Variants in STON2 observed in about 807,000 individuals in gnomAD.
STON2 encodes stonin-2.
STON2 carries 29 observed loss-of-function variants against 65.7 expected under a neutral mutation model. The ratio of observed to expected loss-of-function variants is 0.44; its 90% CI spans 0.33 to 0.60. The LOEUF (loss-of-function observed/expected upper bound fraction) is 0.60, where lower values mean the gene tolerates loss of function less well. Among genes scored for constraint, STON2 ranks in the 20% least tolerant of loss-of-function variants. The pLI, the probability that STON2 is intolerant of heterozygous loss-of-function variation, is 0.03. For synonymous variants in STON2, 404 were observed against 414.2 expected (o/e 0.98, Z 0.30); for missense variants, 1,054 against 1,118.1 (o/e 0.94, Z 0.82).
chr14:81,295,496 T>A (rs1163851951), intron 5 of STON2, among the ~76,000 whole-genome samples: 1 of 152,206 alleles, frequency 6.6e-6, no homozygotes, highest in Non-Finnish European at 1.5e-5. Flanking sequence ...TTCAACGATC[T>A]CCTAAATACC....
intron 6 of STON2, among the ~76,000 whole-genome samples, chr14:81,273,319 TTC>T (rs1894671628): frequency 6.6e-6 from 1 of 152,210 alleles, no homozygotes; most frequent in Non-Finnish European, 1.5e-5. Flanking sequence ...AGTCCACACA[TTC>T]TGTCATTTCC....
Position 81,277,277 on chromosome 14 carries a change from C to T in STON2, c.2205G>A (p.Arg735=). The T allele has an allele frequency of 6.2e-7, 1 of 1,614,198 alleles. No homozygotes were observed. Among genetic ancestry groups the T allele is most frequent in the Non-Finnish European group, 8.5e-7 (1 of 1,180,028 alleles). Residue 735 remains arginine, a synonymous_variant, in exon 6 of 8, where the codon AGG becomes AGA. Transcript: ENST00000614646. ...DACRFELMRF[R]TVFAEKTLPF... ...GCAAGGTCTTCTCAGCAAACACTGTCCTGAACCGCATTAGCTCAAACCGGC... is the reference window on the plus strand; with the variant it reads ...GCAAGGTCTTCTCAGCAAACACTGTTCTGAACCGCATTAGCTCAAACCGGC...
rs1894233184 is a variant in STON2 at position 81,263,521 on chromosome 14, G to C, written c.*4893C>G. The stretch of plus-strand genomic sequence containing the variant: ...CCACTGCACTCTAGCCTGGGTGACA[G>C]ACTGAGACTCCGTCTCAAAAAAAAA... On this transcript the variant is annotated 3_prime_UTR_variant, in exon 8 of 8. Coordinates refer to ENST00000614646, the MANE Select transcript of STON2 (RefSeq NM_001394390.1). Among the ~76,000 whole-genome samples, 1 of 114,230 alleles carries C rather than the reference G, an allele frequency of 8.8e-6. No individual in the cohort carries two copies. The highest frequency in any genetic ancestry group is 3.1e-4 in the South Asian group (1 of 3,242). 74.9% of individuals were successfully genotyped at this position (114,230 alleles called of 152,430 possible). A position where few individuals can be genotyped will look rare whatever the true frequency, so the allele number is the denominator to read the frequency against.
intron 2 of STON2, among the ~76,000 whole-genome samples, chr14:81,396,637 G>C (rs1292904639): frequency 6.6e-6 from 1 of 152,222 alleles, no homozygotes; most frequent in Non-Finnish European, 1.5e-5. Flanking sequence ...CACAGCCACA[G>C]GACACCAGGT....
chr14:81,346,302 T>C (rs1897807216), intron 4 of STON2, among the ~76,000 whole-genome samples: 1 of 152,044 alleles, frequency 6.6e-6, no homozygotes, highest in Admixed American at 6.6e-5. Context: ...GGATCTGTAA[T>C]GTAAAGAAGA....
chr14:81,329,986 G>A (rs530235123), intron 4 of STON2, among the ~76,000 whole-genome samples: 30 of 152,318 alleles, frequency 2.0e-4, no homozygotes, highest in Admixed American at 2.0e-4. Context: ...GGCAGCTTCC[G>A]TCTTCCTCCA....
chr14:81,296,583 G>A (rs930688463), intron 5 of STON2, among the ~76,000 whole-genome samples: 24 of 152,150 alleles, frequency 1.6e-4, no homozygotes, highest in African/African-American at 5.8e-4. Context: ...TTTTCTCTTT[G>A]TCTCTTTTTC....
At chr14:81,365,308 C>G (rs985164074) in intron 4 of STON2, among the ~76,000 whole-genome samples, 2 of 152,136 alleles carry the variant, frequency 1.3e-5, no homozygotes, top group Admixed American at 6.5e-5. Flanking sequence ...AGGGGTTTGG[C>G]AGACCACCAC....
intron 4 of STON2, among the ~76,000 whole-genome samples, chr14:81,364,681 A>G (rs892910460): frequency 3.3e-5 from 5 of 152,196 alleles, no homozygotes; most frequent in Non-Finnish European, 7.3e-5. Flanking sequence ...GGGAATTTTC[A>G]AAGTCTTTAA....
At chr14:81,317,417 A>C (rs1896665312) in intron 5 of STON2, among the ~76,000 whole-genome samples, 1 of 152,256 alleles carries the variant, frequency 6.6e-6, no homozygotes, top group Admixed American at 6.5e-5. Flanking sequence ...CAGAATGATC[A>C]ATAGCAAAGC....
At chr14:81,291,864 C>CGT (rs1895570436) in intron 5 of STON2, among the ~76,000 whole-genome samples, 1 of 103,454 alleles carries the variant, frequency 9.7e-6, no homozygotes, top group African/African-American at 4.6e-5. Context: ...TGGGTACACA[C>CGT]ACACACACAC....
intron 3 of STON2, among the ~76,000 whole-genome samples, chr14:81,386,478 A>G (rs1899812801): frequency 6.6e-6 from 1 of 152,042 alleles, no homozygotes; most frequent in African/African-American, 2.4e-5. Context: ...ATCCTCCCCC[A>G]AACAAGTGGC....
intron 3 of STON2, among the ~76,000 whole-genome samples, chr14:81,382,670 T>C (rs901898403): frequency 6.6e-6 from 1 of 152,208 alleles, no homozygotes; most frequent in African/African-American, 2.4e-5. Context: ...TTCTTTATAA[T>C]CTAATACACA....
rs114426961 is a variant in STON2 at position 81,420,798 on chromosome 14, T to C, written c.-199+6304A>G. Among the ~76,000 whole-genome samples the C allele has an allele frequency of 8.4e-3, 1,282 of 152,304 alleles. 23 individuals carry two copies. The highest frequency in any genetic ancestry group is 0.03 in the African/African-American group (1,231 of 41,558). The stretch of plus-strand genomic sequence containing the variant: ...CAAAATGGTCAATAAGAGGGTACCA[T>C]TGCACTCAGCCATGCTTAACCACTC... On this transcript the variant is annotated intron_variant, in intron 2 of 8. Coordinates refer to the STON2 transcript ENST00000553821.
At chr14:81,308,768 A>G (rs1896280129) in intron 5 of STON2, among the ~76,000 whole-genome samples, 1 of 139,822 alleles carries the variant, frequency 7.2e-6, no homozygotes, top group African/African-American at 2.6e-5. Context: ...CACCCAGAGG[A>G]CATGGTTTTA....
At chr14:81,286,946 C>G (rs1349164961) in intron 5 of STON2, among the ~76,000 whole-genome samples, 1 of 152,200 alleles carries the variant, frequency 6.6e-6, no homozygotes, top group Non-Finnish European at 1.5e-5. Flanking sequence ...AAGCTAAAAT[C>G]TGGTGAATTT....
chr14:81,354,666 T>C (rs1306689498), intron 4 of STON2, among the ~76,000 whole-genome samples: 1 of 151,788 alleles, frequency 6.6e-6, no homozygotes, highest in Non-Finnish European at 1.5e-5. Context: ...GACAAAAAAA[T>C]AGAAACAACA....
intron 5 of STON2, among the ~76,000 whole-genome samples, chr14:81,313,659 G>T (rs1896513020): frequency 6.6e-6 from 1 of 151,922 alleles, no homozygotes; most frequent in Admixed American, 6.6e-5. Flanking sequence ...GCCAGGTATG[G>T]TGACGGGTGC....
intron 1 of STON2, among the ~76,000 whole-genome samples, chr14:81,432,378 G>A (rs1439786287): frequency 6.6e-6 from 1 of 151,918 alleles, no homozygotes; most frequent in African/African-American, 2.4e-5. Flanking sequence ...GGTTCTCAGG[G>A]GGTTATTTAT....
Sources: gnomAD v4.1 joint callset for allele counts (sites outside exome capture counted in the v4.1 genomes callset) on GRCh38, gnomAD v4.1.1 for gene constraint, MANE v1.5 for transcripts, NCBI Gene and HGNC (gene_info 2026-07-23, HGNC 2026-07-21) for gene names.